Variants in RIPK4 observed in about 807,000 individuals in gnomAD.
The protein encoded by RIPK4 is receptor interacting serine/threonine kinase 4, also known as receptor-interacting serine/threonine-protein kinase 4.
Under a neutral mutation model 42.9 loss-of-function variants are expected in RIPK4, and 17 were observed. The ratio of observed to expected loss-of-function variants is 0.40; its 90% CI spans 0.27 to 0.59. The LOEUF (loss-of-function observed/expected upper bound fraction) is 0.59, where lower values mean the gene tolerates loss of function less well. RIPK4 is among the 20% of genes least tolerant of loss of function. RIPK4 has a pLI of 0.47. For missense variants in RIPK4, 897 were observed against 1,104.4 expected (o/e 0.81, Z 2.66); for synonymous variants, 498 against 499.1 (o/e 1.00, Z 0.03).
At chr21:41,762,565 A>C (rs961475010) in intron 1 of RIPK4, among the ~76,000 whole-genome samples, 8 of 152,192 alleles carry the variant, frequency 5.3e-5, no homozygotes, top group Non-Finnish European at 1.0e-4. Context: ...ATAAGCCTGA[A>C]AGGGCCTCTT....
At chr21:41,761,044 G>A (rs374332520) in intron 1 of RIPK4, among the ~76,000 whole-genome samples, 28 of 152,316 alleles carry the variant, frequency 1.8e-4, no homozygotes, top group African/African-American at 6.5e-4. Flanking sequence ...CCTCTCCAGG[G>A]GAAATCCCTC....
At chr21:41,744,780 TG>T (rs954678592) in intron 6 of RIPK4, among the ~76,000 whole-genome samples, 44 of 152,036 alleles carry the variant, frequency 2.9e-4, no homozygotes, top group African/African-American at 9.7e-4. Flanking sequence ...GGGGCTGGCC[TG>T]GGGGCTGTGT....
rs751373849 is a variant in RIPK4 at position 41,741,298 on chromosome 21, A to C, written c.1895T>G (p.Val632Gly). The C allele has an allele frequency of 1.2e-6, 2 of 1,608,078 alleles. No homozygotes were observed. Among genetic ancestry groups the C allele is most frequent in the South Asian group, 1.1e-5 (1 of 91,030 alleles). Residue 632 changes from valine to glycine, a missense_variant, in exon 8 of 8, where the codon GTC (valine) becomes GGC (glycine). Transcript: ENST00000332512. ...GGGTGTCTGTGCCAGCAGGCTGCAG[A>C]CGTTGACGTCGGAGCACAGGTCGAT... Reference protein sequence around the residue: ...ILIDLCSDVNVCSLLAQTPLH... With the variant: ...ILIDLCSDVNGCSLLAQTPLH...
In RIPK4 at chr21:41,742,390, G is replaced by A. The variant is rs925042272; in HGVS notation, c.1196-393C>T. Among the ~76,000 whole-genome samples the A allele has an allele frequency of 3.4e-4, 52 of 152,224 alleles. No individual in the cohort carries two copies. The highest frequency in any genetic ancestry group is 4.6e-4 in the Admixed American group (7 of 15,286). On this transcript the variant is annotated intron_variant, in intron 7 of 7. Coordinates refer to ENST00000332512, the MANE Select transcript of RIPK4 (RefSeq NM_020639.3). This position sits in a 1 kb window ranked among gnomAD's most constrained non-coding sequence, Gnocchi z 5.1. The stretch of plus-strand genomic sequence containing the variant: ...CATTCGCCTGGAAGCCTTGGCACCT[G>A]CCACCCACGGACGCCCCAGGCCTAG...
chr21:41,746,634 G>A lies in RIPK4; in HGVS notation c.811C>T (p.Arg271Ter), dbSNP rs1465463078. 4 of 1,610,376 alleles carry A rather than the reference G, an allele frequency of 2.5e-6. No homozygotes were observed. The highest frequency in any genetic ancestry group is 2.2e-5 in the East Asian group (1 of 44,866). ...LMQRCWQGDP[R>*]VRPTFQEITS... ...TCACCTTGGAAGGTGGGCCTAACTC[G>A]CGGATCCCCCTGCCAGCACCGCTGC... Residue 271 changes from arginine to a stop codon, truncating the protein, a stop_gained, in exon 5 of 8, where the codon CGA (arginine) becomes TGA (stop). Transcript: ENST00000332512. LOFTEE classifies it high-confidence loss of function.
intron 1 of RIPK4, among the ~76,000 whole-genome samples, chr21:41,766,549 C>G (rs1304471598): frequency 6.6e-6 from 1 of 152,152 alleles, no homozygotes; most frequent in East Asian, 1.9e-4. Context: ...GGAAGCACGA[C>G]TGGGCGCCTT....
At chr21:41,743,048 T>C (rs1165192161) in intron 7 of RIPK4, among the ~76,000 whole-genome samples, 1 of 152,120 alleles carries the variant, frequency 6.6e-6, no homozygotes, top group Non-Finnish European at 1.5e-5. Context: ...GTCTGTAAGA[T>C]CCAGGAAAAG....
rs141530812 is a variant in RIPK4, at chr21:41,740,841, G to A, written c.2352C>T (p.Thr784=). 870 of 1,599,892 alleles carry A rather than the reference G, an allele frequency of 5.4e-4. 4 individuals are homozygous for A. In the African/African-American group the frequency reaches 9.8e-3, roughly 18 times the overall value. The change falls in exon 8 of 8, where the codon ACC becomes ACT. Residue 784 remains threonine (T), a synonymous_variant. Coordinates refer to ENST00000332512, the MANE Select transcript of RIPK4 (RefSeq NM_020639.3). ...CCCGGTCTCCGCAGGCAGCCAGCTA[G>A]GTCTTGCTTCGCCGCAGGAGCGTGG... ...PAATLLRRSK[T]
intron 1 of RIPK4, among the ~76,000 whole-genome samples, chr21:41,766,050 G>T (rs2061235098): frequency 6.6e-6 from 1 of 152,258 alleles, no homozygotes; most frequent in Admixed American, 6.5e-5. Flanking sequence ...CTGACTTTTG[G>T]ACTGGGAAAC....
intron 5 of RIPK4, among the ~76,000 whole-genome samples, chr21:41,746,385 G>A (rs1011687309): frequency 2.0e-5 from 3 of 152,264 alleles, no homozygotes; most frequent in African/African-American, 7.2e-5. Context: ...GTGGGGAGCA[G>A]GGGGCGGATG....
Position 41,740,523 on chromosome 21 carries a change from G to T in RIPK4, c.*315C>A. 2.8e-6 allele frequency: 1 copy of T among 353,176 alleles called. No homozygotes were observed. Among genetic ancestry groups the T allele is most frequent in the East Asian group, 5.2e-5 (1 of 19,290 alleles). 21.9% of individuals were successfully genotyped at this position (353,176 alleles called of 1,614,324 possible). On this transcript the variant is annotated 3_prime_UTR_variant, in exon 8 of 8. Transcript: ENST00000332512. ...CTCAGGAGAGAGTGGATGCTTCCAC[G>T]CCTGGGGCTTCATCACTGAGAGACC...
In RIPK4 at chr21:41,741,507, G is replaced by T; in HGVS notation, c.1686C>A (p.Asp562Glu). 1.2e-6 allele frequency: 2 copies of T among 1,612,526 alleles called. No individual in the cohort carries two copies. Among genetic ancestry groups the T allele is most frequent in the Non-Finnish European group, 8.5e-7 (1 of 1,179,974 alleles). ...AGGCATCCTTGCCCTGCAGGCTCAC[G>T]TCCACGCCTCGGCGCAGCAGGATGC... ...IVRILLRRGV[D>E]VSLQGKDAWL... is the part of the protein sequence containing the mutation. The change falls in exon 8 of 8, where the codon GAC becomes GAA. Residue 562 changes from aspartate (D) to glutamate (E), a missense_variant. Coordinates refer to ENST00000332512, the MANE Select transcript of RIPK4 (RefSeq NM_020639.3).
chr21:41,743,940 G>T lies in RIPK4; in HGVS notation c.1137C>A (p.Ser379=). The change falls in exon 7 of 8, where the codon TCC becomes TCA. Residue 379 remains serine, a synonymous_variant. Coordinates refer to ENST00000332512, the MANE Select transcript of RIPK4 (RefSeq NM_020639.3). ...KRLSGVSSVD[S]AFSSRGSLSL... is the part of the protein sequence containing the mutation. Reference sequence around the variant, plus strand: ...ACAGTGATCCTCTGGAAGAGAAGGCGGAGTCCACCGAGGACACCCCCGAGA... The same window carrying T: ...ACAGTGATCCTCTGGAAGAGAAGGCTGAGTCCACCGAGGACACCCCCGAGA... 6.2e-7 allele frequency: 1 copy of T among 1,613,066 alleles called. No homozygotes were observed. Among genetic ancestry groups the T allele is most frequent in the Non-Finnish European group, 8.5e-7 (1 of 1,179,826 alleles).
At chr21:41,756,497 C>T (rs369735651) in intron 2 of RIPK4, 28 bp downstream of exon 2, 3 of 1,598,674 alleles carry the variant, frequency 1.9e-6, no homozygotes, top group African/African-American at 1.3e-5. Context: ...CCCTGCCCAG[C>T]TCTCTCGGGC....
chr21:41,747,556 G>GA (rs2061175595), intron 4 of RIPK4, among the ~76,000 whole-genome samples: 1 of 152,130 alleles, frequency 6.6e-6, no homozygotes, highest in Non-Finnish European at 1.5e-5. Context: ...CAGCTCTTTG[G>GA]AGAGGCCATG....
In RIPK4 at chr21:41,767,026, C is replaced by G; in HGVS notation, c.16G>C (p.Gly6Arg). 1 of 1,579,092 alleles carries G rather than the reference C, an allele frequency of 6.3e-7. No homozygotes were observed. Among genetic ancestry groups the G allele is most frequent in the Non-Finnish European group, 8.6e-7 (1 of 1,166,088 alleles). MEGDG[G>R]TPWALALLRT... ...AGCAGCGCCAGGGCCCATGGGGTCC[C>G]GCCGTCGCCCTCCATCGCGCACGTC... Residue 6 changes from glycine (G) to arginine (R), a missense_variant, in exon 1 of 8, where the codon GGG becomes CGG. Coordinates refer to ENST00000332512, the MANE Select transcript of RIPK4 (RefSeq NM_020639.3). This position sits in a 1 kb window ranked among gnomAD's most constrained non-coding sequence, Gnocchi z 4.0.
At position 41,742,314 on chromosome 21, in the gene RIPK4, T is replaced by C. The variant is rs1183304500; in HGVS notation, c.1196-317A>G. 6.6e-6 allele frequency among the ~76,000 whole-genome samples: 1 copy of C among 152,078 alleles called. No individual in the cohort carries two copies. The highest frequency in any genetic ancestry group is 1.5e-5 in the Non-Finnish European group (1 of 68,026). On this transcript the variant is annotated intron_variant, in intron 7 of 7. Coordinates refer to ENST00000332512, the MANE Select transcript of RIPK4 (RefSeq NM_020639.3). This position sits in a 1 kb window ranked among gnomAD's most constrained non-coding sequence, Gnocchi z 5.1. ...GCAGTGACTGCAAACATCCCTTCAT[T>C]AAAGAAAGAAGGAAAAAGGGCACAG...
chr21:41,747,020 AGT>A (rs1236897471), intron 4 of RIPK4, among the ~76,000 whole-genome samples: 2 of 152,222 alleles, frequency 1.3e-5, no homozygotes, highest in Admixed American at 6.5e-5. Flanking sequence ...TACCAGAAGG[AGT>A]CAGTGTGTTT....
chr21:41,740,598 C>G lies in RIPK4; in HGVS notation c.*240G>C. ...CAACGAAATGATTCTGACCCACGGT[C>G]CCTTCAGACAGCAGGTGCCTAGATC... On this transcript the variant is annotated 3_prime_UTR_variant, in exon 8 of 8. Coordinates refer to ENST00000332512, the MANE Select transcript of RIPK4 (RefSeq NM_020639.3). 1.9e-6 allele frequency: 1 copy of G among 540,490 alleles called. No homozygotes were observed. Among genetic ancestry groups the G allele is most frequent in the Non-Finnish European group, 3.3e-6 (1 of 306,820 alleles). The allele number at this position is 540,490 out of a possible 1,614,324, so 33.5% of individuals were successfully genotyped here. A position where few individuals can be genotyped will look rare whatever the true frequency, so the allele number is the denominator to read the frequency against.
Sources: gnomAD v4.1 joint callset for allele counts (sites outside exome capture counted in the v4.1 genomes callset) on GRCh38, gnomAD v4.1.1 for gene constraint, Gnocchi (gnomAD v3.1) non-coding constraint, MANE v1.5 for transcripts, NCBI Gene and HGNC (gene_info 2026-07-23, HGNC 2026-07-21) for gene names.